CDK19: variants seen among roughly 807,000 people sequenced by gnomAD.
CDK19 encodes the protein cyclin-dependent kinase 19.
In CDK19, 20 loss-of-function variants were observed where a neutral mutation model predicts 68.3. The ratio of observed to expected loss-of-function variants is 0.29; its 90% CI spans 0.21 to 0.43. The LOEUF (loss-of-function observed/expected upper bound fraction) is 0.43, where lower values mean the gene tolerates loss of function less well. Among genes scored for constraint, CDK19 ranks in the 20% least tolerant of loss-of-function variants. The probability of loss-of-function intolerance (pLI) is 1.00; values close to 1 mark genes in which losing one functional copy is unlikely to be tolerated. For missense variants in CDK19, 339 were observed against 623.5 expected (o/e 0.54, Z 4.86); for synonymous variants, 221 against 222.8 (o/e 0.99, Z 0.07).
chr6:110,744,544 T>A (rs1359555133), intron 2 of CDK19, among the ~76,000 whole-genome samples: 2 of 152,092 alleles, frequency 1.3e-5, no homozygotes, highest in East Asian at 3.9e-4. Context: ...AAAAAAAATT[T>A]AAAAATAAAA....
At chr6:110,623,606 T>C (rs1778852260) in intron 8 of CDK19, 1 of 175,032 alleles carries the variant, frequency 5.7e-6, no homozygotes, top group South Asian at 1.9e-4. Context: ...ACCATTAGTG[T>C]TGAAAATGTG....
intron 4 of CDK19, among the ~76,000 whole-genome samples, chr6:110,662,291 A>C (rs1190043424): frequency 6.6e-6 from 1 of 152,132 alleles, no homozygotes; most frequent in Non-Finnish European, 1.5e-5. Context: ...TTTTTAAAAG[A>C]CAGACCTAAG....
Position 110,621,940 on chromosome 6 carries a change from C to T in CDK19, c.1110+148G>A. The T allele has an allele frequency of 4.1e-6, 2 of 487,506 alleles. No homozygotes were observed. Among genetic ancestry groups the T allele is most frequent in the Admixed American group, 7.5e-5 (2 of 26,586 alleles). 30.2% of individuals were successfully genotyped at this position (487,506 alleles called of 1,614,324 possible). ...AAACTTCAAGGTACCTTTACAATCC[C>T]CAAACTTCCACAGAAAATAAGATAC... is the stretch of plus-strand genomic sequence containing the variant. On this transcript the variant is annotated intron_variant, in intron 11 of 12. Coordinates refer to ENST00000368911, the MANE Select transcript of CDK19 (RefSeq NM_015076.5). This position sits in a 1 kb window ranked among gnomAD's most constrained non-coding sequence, Gnocchi z 5.4.
chr6:110,614,800 CTTAAG>C, intron 12 of CDK19, 134 bp from the exon 13 acceptor site: 1 of 791,636 alleles, frequency 1.3e-6, no homozygotes, highest in South Asian at 2.1e-5. Flanking sequence ...TGACAGCTAA[CTTAAG>C]TTGTTAACAC....
At chr6:110,800,900 T>C (rs1342550619) in intron 1 of CDK19, among the ~76,000 whole-genome samples, 4 of 151,858 alleles carry the variant, frequency 2.6e-5, no homozygotes, top group African/African-American at 9.7e-5. Context: ...AAGACAAGGA[T>C]GCCCACTCTC....
intron 1 of CDK19, among the ~76,000 whole-genome samples, chr6:110,775,432 A>G (rs1204950995): frequency 3.3e-5 from 5 of 152,214 alleles, no homozygotes; most frequent in African/African-American, 1.2e-4. Context: ...AGGAGAAAGT[A>G]GCACTGTAAA....
At chr6:110,700,456 A>C (rs898719741) in intron 2 of CDK19, 2 of 151,942 alleles carry the variant, frequency 1.3e-5, no homozygotes, top group Non-Finnish European at 2.9e-5. Flanking sequence ...TTTGAGAAAG[A>C]TGTGGTCACA....
intron 4 of CDK19, among the ~76,000 whole-genome samples, chr6:110,649,075 A>G (rs1780806774): frequency 6.6e-6 from 1 of 151,932 alleles, no homozygotes; most frequent in Non-Finnish European, 1.5e-5. Context: ...TATAGATAAG[A>G]AGATTCGATA....
chr6:110,788,483 C>G (rs542922247), intron 1 of CDK19, among the ~76,000 whole-genome samples: 37 of 152,262 alleles, frequency 2.4e-4, no homozygotes, highest in African/African-American at 8.9e-4. Flanking sequence ...AAAGCCATCT[C>G]TTTCCAAAAT....
chr6:110,680,869 T>C (rs1771953275), intron 2 of CDK19, among the ~76,000 whole-genome samples: 1 of 152,012 alleles, frequency 6.6e-6, no homozygotes, highest in African/African-American at 2.4e-5. Context: ...TGGTGGTATA[T>C]GCCTGTAATC....
At chr6:110,731,114 G>A (rs546935435) in intron 2 of CDK19, among the ~76,000 whole-genome samples, 1,782 of 146,180 alleles carry the variant, frequency 0.012, 40 homozygotes, top group African/African-American at 0.043. Context: ...AGAAAAGAAA[G>A]GAAAAGAAAA....
chr6:110,765,656 G>A (rs1779533450), intron 1 of CDK19, among the ~76,000 whole-genome samples: 1 of 150,460 alleles, frequency 6.6e-6, no homozygotes, highest in African/African-American at 2.4e-5. Flanking sequence ...ACTCCAGCCT[G>A]GTGATACAGC....
intron 2 of CDK19, among the ~76,000 whole-genome samples, chr6:110,733,272 G>A (rs1471293992): frequency 6.6e-6 from 1 of 152,102 alleles, no homozygotes; most frequent in African/African-American, 2.4e-5. Context: ...ATGTTATTAA[G>A]TACATCAATT....
chr6:110,637,732 C>A (rs532682687), intron 5 of CDK19, among the ~76,000 whole-genome samples: 2 of 152,224 alleles, frequency 1.3e-5, no homozygotes, highest in African/African-American at 4.8e-5. Context: ...GTAATCCCAG[C>A]ACTTTGGGAA....
chr6:110,626,699 G>T, intron 8 of CDK19, 77 bp downstream of exon 8: 2 of 872,608 alleles, frequency 2.3e-6, no homozygotes, highest in Non-Finnish European at 3.5e-6. Flanking sequence ...ACAAATTCCT[G>T]TTGTTTATAA....
At chr6:110,627,718 T>C (rs1225593243) in intron 6 of CDK19, among the ~76,000 whole-genome samples, 2 of 152,192 alleles carry the variant, frequency 1.3e-5, no homozygotes, top group Non-Finnish European at 2.9e-5. Flanking sequence ...GGTCTTACCA[T>C]GTCTAACCAC....
At chr6:110,632,870 T>C (rs1016275448) in intron 5 of CDK19, among the ~76,000 whole-genome samples, 2 of 152,188 alleles carry the variant, frequency 1.3e-5, no homozygotes, top group Non-Finnish European at 2.9e-5. Context: ...TTTTGAAATC[T>C]AAAATAGTTC....
In CDK19 at chr6:110,743,331, C is replaced by T. The variant is rs1010424348; in HGVS notation, c.204+2795G>A. Reference sequence around the variant, plus strand: ...GCACACTTTCTAAAGTTCTATTAGGCAAACTCTCAATAAGAATATGAAGGC... The same window carrying T: ...GCACACTTTCTAAAGTTCTATTAGGTAAACTCTCAATAAGAATATGAAGGC... On this transcript the variant is annotated intron_variant, in intron 2 of 12. Transcript: ENST00000368911. 2.0e-5 allele frequency among the ~76,000 whole-genome samples: 3 copies of T among 152,080 alleles called. 1 individual carries two copies. In the East Asian group the frequency reaches 5.8e-4, roughly 29 times the overall value.
At chr6:110,768,682 G>A (rs750604092) in intron 1 of CDK19, among the ~76,000 whole-genome samples, 6 of 152,298 alleles carry the variant, frequency 3.9e-5, no homozygotes, top group South Asian at 4.1e-4. Context: ...CAAAACTGTA[G>A]AGACAGAAAA....
Sources: gnomAD v4.1 joint callset for allele counts (sites outside exome capture counted in the v4.1 genomes callset) on GRCh38, gnomAD v4.1.1 for gene constraint, Gnocchi (gnomAD v3.1) non-coding constraint, MANE v1.5 for transcripts, NCBI Gene and HGNC (gene_info 2026-07-23, HGNC 2026-07-21) for gene names.